FRMD4A: variants seen among roughly 807,000 people sequenced by gnomAD.
FRMD4A encodes the protein FERM domain containing 4A, also known as FERM domain-containing protein 4A.
A neutral mutation model predicts 129.1 loss-of-function variants in FRMD4A; 29 were observed. The ratio of observed to expected loss-of-function variants is 0.22; its 90% CI spans 0.17 to 0.31. The LOEUF is 0.31. FRMD4A is among the 10% of genes least tolerant of loss of function. The pLI, the probability that FRMD4A is intolerant of heterozygous loss-of-function variation, is 1.00. For synonymous variants in FRMD4A, 634 were observed against 571.6 expected (o/e 1.11, Z -1.56); for missense variants, 1,272 against 1,375.8 (o/e 0.92, Z 1.19).
chr10:14,253,388 A>T (rs1670049286), intron 2 of FRMD4A, among the ~76,000 whole-genome samples: 1 of 152,226 alleles, frequency 6.6e-6, no homozygotes, highest in African/African-American at 2.4e-5. Context: ...CTAACTTTTC[A>T]TATAGGTTTT....
At chr10:13,677,886 T>C (rs532315531) in intron 15 of FRMD4A, among the ~76,000 whole-genome samples, 1 of 152,324 alleles carries the variant, frequency 6.6e-6, no homozygotes, top group African/African-American at 2.4e-5. Context: ...CTAGAGAAAC[T>C]TGGGTCCAAG....
At chr10:14,106,045 T>C (rs1411027626) in intron 2 of FRMD4A, among the ~76,000 whole-genome samples, 1 of 152,238 alleles carries the variant, frequency 6.6e-6, no homozygotes, top group African/African-American at 2.4e-5. Context: ...TCTTATTCTA[T>C]CATTCCTATA....
intron 13 of FRMD4A, among the ~76,000 whole-genome samples, chr10:13,705,659 T>C (rs1471984106): frequency 6.6e-6 from 1 of 152,158 alleles, no homozygotes; most frequent in Non-Finnish European, 1.5e-5. Context: ...AATCTTATTT[T>C]TGAAATCTCC....
At chr10:14,023,941 TAA>T (rs34811053) in intron 2 of FRMD4A, among the ~76,000 whole-genome samples, 2 of 150,504 alleles carry the variant, frequency 1.3e-5, no homozygotes, top group East Asian at 1.9e-4. Context: ...CAGCATCCTC[TAA>T]AAAAAAAATT....
intron 2 of FRMD4A, among the ~76,000 whole-genome samples, chr10:14,121,707 C>G (rs1184510204): frequency 6.6e-6 from 1 of 152,190 alleles, no homozygotes; most frequent in Admixed American, 6.5e-5. Context: ...ACCTGCATCT[C>G]TCACAAGCCT....
At chr10:14,134,975 G>C (rs1265766631) in intron 2 of FRMD4A, among the ~76,000 whole-genome samples, 1 of 152,202 alleles carries the variant, frequency 6.6e-6, no homozygotes, top group Admixed American at 6.5e-5. Context: ...ACATAAAAGG[G>C]AAATTGAAGA....
At chr10:13,788,457 G>A (rs10752326) in intron 5 of FRMD4A, among the ~76,000 whole-genome samples, 85,899 of 152,212 alleles carry the variant, frequency 0.56, 25,294 homozygotes, top group Non-Finnish European at 0.66. Flanking sequence ...ATGGCCCTGC[G>A]TGGCATGGTG....
intron 2 of FRMD4A, among the ~76,000 whole-genome samples, chr10:13,897,936 C>CAA (rs36021849): frequency 4.1e-5 from 3 of 72,322 alleles, no homozygotes; most frequent in African/African-American, 5.2e-5. Flanking sequence ...GACTCCGACT[C>CAA]AAAAAAAAAA....
intron 2 of FRMD4A, among the ~76,000 whole-genome samples, chr10:13,951,919 AT>A (rs2095373798): frequency 1.4e-5 from 2 of 147,406 alleles, no homozygotes; most frequent in Non-Finnish European, 3.0e-5. Context: ...AATAATAATA[AT>A]AATAATAATA....
chr10:14,154,878 C>G (rs1183977992), intron 2 of FRMD4A, among the ~76,000 whole-genome samples: 1 of 152,242 alleles, frequency 6.6e-6, no homozygotes, highest in African/African-American at 2.4e-5. Context: ...CTAAGTAAAT[C>G]TCTAGTCTTT....
At chr10:13,993,272 C>T (rs1368439762) in intron 2 of FRMD4A, among the ~76,000 whole-genome samples, 4 of 152,180 alleles carry the variant, frequency 2.6e-5, no homozygotes, top group Non-Finnish European at 5.9e-5. Flanking sequence ...TGGTGAGATC[C>T]AGAGTTCCTC....
chr10:14,173,534 G>T (rs1482961613), intron 2 of FRMD4A, among the ~76,000 whole-genome samples: 3 of 152,152 alleles, frequency 2.0e-5, no homozygotes, highest in African/African-American at 7.2e-5. Context: ...CTACAGAGAG[G>T]ATTCCCTGGT....
chr10:14,227,145 C>T (rs533087538), intron 2 of FRMD4A, among the ~76,000 whole-genome samples: 11 of 151,700 alleles, frequency 7.3e-5, no homozygotes, highest in African/African-American at 2.4e-4. Flanking sequence ...GGCACTTGGG[C>T]ATGCTCTTCC....
chr10:13,803,049 T>C (rs186897143), intron 4 of FRMD4A, among the ~76,000 whole-genome samples: 254 of 150,258 alleles, frequency 1.7e-3, no homozygotes, highest in African/African-American at 6.0e-3. Flanking sequence ...CTTAGGAGGC[T>C]GAGGCATGAG....
chr10:14,194,759 T>C (rs898072573), intron 2 of FRMD4A, among the ~76,000 whole-genome samples: 3 of 152,056 alleles, frequency 2.0e-5, no homozygotes, highest in Non-Finnish European at 4.4e-5. Context: ...ACGTAAAATC[T>C]TCTTTTGGTT....
At chr10:14,162,641 G>GTTTTTTTTTTTTTTTTTTTTTTT (rs71388160) in intron 2 of FRMD4A, among the ~76,000 whole-genome samples, 5 of 118,398 alleles carry the variant, frequency 4.2e-5, no homozygotes, top group Non-Finnish European at 6.8e-5. Flanking sequence ...TTTTTTTTTT[G>GTTTTTTTTTTTTTTTTTTTTTTT]TTTTTTTTTT....
intron 2 of FRMD4A, among the ~76,000 whole-genome samples, chr10:14,249,716 A>G (rs1026218768): frequency 6.6e-6 from 1 of 152,262 alleles, no homozygotes; most frequent in Non-Finnish European, 1.5e-5. Flanking sequence ...TAAGGGAAAA[A>G]ACTTGGAAAC....
intron 2 of FRMD4A, among the ~76,000 whole-genome samples, chr10:13,926,405 G>T (rs1363326821): frequency 3.3e-5 from 5 of 152,114 alleles, no homozygotes. Flanking sequence ...ATTCCCTTTT[G>T]TGATGGGTAT....
intron 2 of FRMD4A, among the ~76,000 whole-genome samples, chr10:14,120,985 A>G (rs1284017404): frequency 3.3e-5 from 5 of 152,146 alleles, no homozygotes; most frequent in Non-Finnish European, 5.9e-5. Flanking sequence ...GTGTGATCTT[A>G]CCCTGCTGTA....
Sources: gnomAD v4.1 joint callset for allele counts (sites outside exome capture counted in the v4.1 genomes callset) on GRCh38, gnomAD v4.1.1 for gene constraint, MANE v1.5 for transcripts, NCBI Gene and HGNC (gene_info 2026-07-23, HGNC 2026-07-21) for gene names.